Variants in HSD17B4 observed in about 807,000 individuals in gnomAD.
HSD17B4 encodes the protein hydroxysteroid 17-beta dehydrogenase 4.
In HSD17B4, 70 loss-of-function variants were observed where a neutral mutation model predicts 101.0. The ratio of observed to expected loss-of-function variants is 0.69; its 90% confidence interval spans 0.57 to 0.85. The LOEUF (loss-of-function observed/expected upper bound fraction) is 0.85. Ranked by LOEUF, HSD17B4 falls within the 40% of genes least tolerant of loss-of-function variation. The pLI, the probability that HSD17B4 is intolerant of heterozygous loss-of-function variation, is 0.00. For synonymous variants in HSD17B4, 347 were observed against 297.1 expected, an observed-to-expected ratio of 1.17 and a Z score of -1.73; for missense variants, 984 against 892.4, an observed-to-expected ratio of 1.10 and a Z score of -1.31.
At position 119,493,470 on chromosome 5, in the gene HSD17B4, A is replaced by T. The variant is rs1022187039; in HGVS notation, c.740-348A>T. The stretch of plus-strand genomic sequence containing the variant: ...TATCTTCATTTTATAAACAAGAAGA[A>T]TGAAGTATATTACTTTGGGGATCTG... On this transcript the variant is annotated intron_variant, in intron 10 of 23. Coordinates refer to ENST00000510025, the MANE Select transcript of HSD17B4 (RefSeq NM_000414.4). 4.2e-5 allele frequency: 10 copies of T among 239,864 alleles called. No individual in the cohort carries two copies. In the East Asian group the frequency reaches 9.7e-4, roughly 23 times the overall value. The allele number at this position is 239,864 out of a possible 1,614,324, so 14.9% of individuals were successfully genotyped here.
Position 119,517,475 on chromosome 5 carries a change from G to A in HSD17B4, c.1503+2429G>A, listed in dbSNP as rs558635389. Among the ~76,000 whole-genome samples, 779 of 152,370 alleles carry A rather than the reference G, an allele frequency of 5.1e-3. 2 individuals are homozygous for A. Among genetic ancestry groups the A allele is most frequent in the Non-Finnish European group, 8.4e-3 (570 of 68,038 alleles). ...GCGCCCAGTCCCATCGACCACCCAA[G>A]GGCTGAGGAGTGCGAGCGTACCGCG... On this transcript the variant is annotated intron_variant, in intron 17 of 23. Transcript: ENST00000510025.
At chr5:119,463,291 A>G (rs1755448819) in intron 2 of HSD17B4, among the ~76,000 whole-genome samples, 2 of 152,138 alleles carry the variant, frequency 1.3e-5, no homozygotes, top group African/African-American at 4.8e-5. Flanking sequence ...TATCTTGACT[A>G]TTGTGAATAG....
chr5:119,472,906 T>A (rs1756519808), intron 2 of HSD17B4, among the ~76,000 whole-genome samples: 1 of 152,240 alleles, frequency 6.6e-6, no homozygotes, highest in Admixed American at 6.5e-5. Flanking sequence ...CTTATTTCGT[T>A]TAACATAGTG....
At chr5:119,516,564 C>A (rs1384337981) in intron 17 of HSD17B4, among the ~76,000 whole-genome samples, 6 of 151,958 alleles carry the variant, frequency 3.9e-5, no homozygotes, top group Admixed American at 6.6e-5. Flanking sequence ...GAATAATGGG[C>A]ACTCATCATT....
intron 12 of HSD17B4, among the ~76,000 whole-genome samples, chr5:119,497,022 T>C (rs1401628293): frequency 1.3e-5 from 2 of 152,272 alleles, no homozygotes; most frequent in South Asian, 2.1e-4. Flanking sequence ...TTTTCCCTAA[T>C]GGGAAAGGAG....
chr5:119,475,801 C>T, intron 5 of HSD17B4, 23 bp from the exon 6 acceptor site: 1 of 1,587,960 alleles, frequency 6.3e-7, no homozygotes, highest in Non-Finnish European at 8.6e-7. Context: ...CTCCTTTTAC[C>T]CTATACAACA....
intron 2 of HSD17B4, among the ~76,000 whole-genome samples, chr5:119,471,466 A>G (rs1317191830): frequency 1.3e-5 from 2 of 152,128 alleles, no homozygotes; most frequent in South Asian, 2.1e-4. Context: ...ATATTATCCC[A>G]TTACTTATTT....
At chr5:119,465,397 G>A (rs1401560822) in intron 2 of HSD17B4, among the ~76,000 whole-genome samples, 2 of 152,150 alleles carry the variant, frequency 1.3e-5, no homozygotes, top group African/African-American at 4.8e-5. Flanking sequence ...AGATCTGGTT[G>A]TTTAAAACAG....
chr5:119,458,754 A>G lies in HSD17B4; in HGVS notation c.112+2386A>G, dbSNP rs182131403. 2.0e-4 allele frequency among the ~76,000 whole-genome samples: 30 copies of G among 152,328 alleles called. No homozygotes were observed. In the East Asian group the frequency reaches 5.6e-3, roughly 28 times the overall value. On this transcript the variant is annotated intron_variant, in intron 2 of 23. Coordinates refer to ENST00000510025, the MANE Select transcript of HSD17B4 (RefSeq NM_000414.4). ...CTTATGGGATATTTAAATTTGGTAT[A>G]AGAACTGCTAAGCCTTAGGCTGATA...
rs992149692 is a variant in HSD17B4 at position 119,499,302 on chromosome 5, T to A, written c.973-15T>A. On this transcript the variant is annotated splice_polypyrimidine_tract_variant and intron_variant, in intron 12 of 23. Transcript: ENST00000510025. ...GTTATCAATGAAATAAATTACTTTTTAAAACTGTTCTTAGGCTGGAGCTAT... is the reference window on the plus strand; with the variant it reads ...GTTATCAATGAAATAAATTACTTTTAAAAACTGTTCTTAGGCTGGAGCTAT... The A allele has an allele frequency of 6.4e-6, 10 of 1,558,774 alleles. No homozygotes were observed. The highest frequency in any genetic ancestry group is 8.9e-6 in the Non-Finnish European group (10 of 1,129,724).
intron 1 of HSD17B4, among the ~76,000 whole-genome samples, chr5:119,455,680 G>A (rs1022197969): frequency 2.0e-5 from 3 of 151,494 alleles, no homozygotes; most frequent in Admixed American, 1.3e-4. Context: ...GTTCACTGTG[G>A]GATACAGAAA....
intron 2 of HSD17B4, among the ~76,000 whole-genome samples, chr5:119,460,199 A>T (rs566212661): frequency 1.3e-5 from 2 of 152,190 alleles, no homozygotes; most frequent in Non-Finnish European, 2.9e-5. Flanking sequence ...CTATACTGTC[A>T]CATCAGGGAT....
intron 17 of HSD17B4, among the ~76,000 whole-genome samples, chr5:119,524,261 A>G (rs916377419): frequency 1.3e-5 from 2 of 152,136 alleles, no homozygotes; most frequent in African/African-American, 2.4e-5. Flanking sequence ...TATACAAAGC[A>G]TATTAAAAAG....
At chr5:119,527,014 C>T in intron 19 of HSD17B4, 119 bp from the exon 20 acceptor site, 1 of 676,796 alleles carries the variant, frequency 1.5e-6, no homozygotes. Flanking sequence ...ATTTAAATAT[C>T]TTTAAACCTT....
At position 119,461,672 on chromosome 5, in the gene HSD17B4, A is replaced by G. The variant is rs149556270; in HGVS notation, c.112+5304A>G. On this transcript the variant is annotated intron_variant, in intron 2 of 23. Transcript: ENST00000510025. ...TGAGGCAGGAGGATTGCTTGAGGCC[A>G]TGAGTTTAAGACCAGCCTGGGCAAC... Among the ~76,000 whole-genome samples the G allele has an allele frequency of 3.4e-3, 515 of 149,556 alleles. 4 individuals are homozygous for G. The highest frequency in any genetic ancestry group is 0.025 in the East Asian group (125 of 4,966).
chr5:119,512,973 A>G lies in HSD17B4; in HGVS notation c.1438-2008A>G, dbSNP rs576020774. Among the ~76,000 whole-genome samples the G allele has an allele frequency of 2.6e-5, 4 of 152,342 alleles. No individual in the cohort carries two copies. The East Asian group carries it at 5.8e-4, about 22-fold the overall frequency. On this transcript the variant is annotated intron_variant, in intron 16 of 23. Coordinates refer to ENST00000510025, the MANE Select transcript of HSD17B4 (RefSeq NM_000414.4). ...ATTTTACATTTTAAAGAGGTGAATT[A>G]TATGTGTATTGTGTCAGTAAAGCTG...
At position 119,452,575 on chromosome 5, in the gene HSD17B4, C is replaced by G. The variant is rs570122200; in HGVS notation, c.-1C>G. On this transcript the variant is annotated 5_prime_UTR_variant, in exon 1 of 24. Coordinates refer to ENST00000510025, the MANE Select transcript of HSD17B4 (RefSeq NM_000414.4). The stretch of plus-strand genomic sequence containing the variant: ...TGTGTGTGTCGTTGCAGGCCTTATT[C>G]ATGGGCTCACCGCTGAGGTTCGACG... 3.1e-6 allele frequency: 5 copies of G among 1,614,046 alleles called. No homozygotes were observed. The Admixed American group carries it at 6.7e-5, about 22-fold the overall frequency.
intron 22 of HSD17B4, among the ~76,000 whole-genome samples, chr5:119,531,812 T>C (rs1754139912): frequency 6.6e-6 from 1 of 152,178 alleles, no homozygotes; most frequent in Admixed American, 6.6e-5. Flanking sequence ...ATTTTATTCA[T>C]ACCAAAACAA....
intron 4 of HSD17B4, 94 bp from the exon 5 acceptor site, chr5:119,475,612 A>T: frequency 9.8e-7 from 1 of 1,015,496 alleles, no homozygotes; most frequent in Non-Finnish European, 1.5e-6. Flanking sequence ...TTTCATGGTT[A>T]AAAAACGCCA....
Sources: gnomAD v4.1 joint callset for allele counts (sites outside exome capture counted in the v4.1 genomes callset) on GRCh38, gnomAD v4.1.1 for gene constraint, MANE v1.5 for transcripts, NCBI Gene and HGNC (gene_info 2026-07-23, HGNC 2026-07-21) for gene names.